Variants in VDR observed in about 807,000 individuals in gnomAD.
VDR encodes vitamin D3 receptor.
Under a neutral mutation model 39.7 loss-of-function variants are expected in VDR, and 19 were observed. The observed-to-expected ratio is 0.48, with a 90% confidence interval of 0.33 to 0.70. The LOEUF is 0.70. Among genes scored for constraint, VDR ranks in the 30% least tolerant of loss-of-function variants. The probability of loss-of-function intolerance (pLI) is 0.02; values close to 1 mark genes in which losing one functional copy is unlikely to be tolerated. For synonymous variants in VDR, 242 were observed against 215.8 expected, an observed-to-expected ratio of 1.12 and a Z score of -1.07; for missense variants, 442 against 570.5, an observed-to-expected ratio of 0.77 and a Z score of 2.29.
Position 47,855,770 on chromosome 12 carries a change from C to G in VDR, c.615G>C (p.Leu205=). The part of the protein sequence containing the change: ...DMMDSSSFSN[L]DLSEEDSDDP... ...CATCTGAATCTTCTTCACTCAGATC[C>G]AGATTGGAGAAGCTGGACGAGTCCA... The change falls in exon 7 of 10, where the codon CTG becomes CTC. Residue 205 remains leucine, a synonymous_variant. Coordinates refer to ENST00000549336, the MANE Select transcript of VDR (RefSeq NM_000376.3). 6.2e-7 allele frequency: 1 copy of G among 1,614,118 alleles called. No individual in the cohort carries two copies. The highest frequency in any genetic ancestry group is 8.5e-7 in the Non-Finnish European group (1 of 1,180,000).
intron 1 of VDR, chr12:47,904,669 T>A (rs1342072177): frequency 2.6e-6 from 4 of 1,530,464 alleles, no homozygotes; most frequent in Non-Finnish European, 3.5e-6. Flanking sequence ...CAAATACTTC[T>A]TGTTGCCCAA....
At chr12:47,848,067 T>C (rs968460400) in intron 7 of VDR, among the ~76,000 whole-genome samples, 1 of 151,618 alleles carries the variant, frequency 6.6e-6, no homozygotes, top group Non-Finnish European at 1.5e-5. Flanking sequence ...GGCCAGCTAA[T>C]TTTTTTTTGT....
Position 47,841,688 on chromosome 12 carries a change from C to G in VDR, c.*3058G>C, listed in dbSNP as rs776874839. The G allele has an allele frequency of 2.0e-5, 3 of 152,338 alleles. No homozygotes were observed. The highest frequency in any genetic ancestry group is 4.8e-5 in the African/African-American group (2 of 41,438). The allele number at this position is 152,338 out of a possible 1,614,324, so 9.4% of individuals were successfully genotyped here. Reference sequence around the variant, plus strand: ...ACTTTTTTTCTCTTTGGAAATCATTCAGCAGGCACTGTTTACATCCTTTCG... The same window carrying G: ...ACTTTTTTTCTCTTTGGAAATCATTGAGCAGGCACTGTTTACATCCTTTCG... On this transcript the variant is annotated 3_prime_UTR_variant, in exon 10 of 10. Coordinates refer to ENST00000549336, the MANE Select transcript of VDR (RefSeq NM_000376.3).
intron 3 of VDR, among the ~76,000 whole-genome samples, chr12:47,877,862 A>G (rs1946039917): frequency 6.6e-6 from 1 of 152,318 alleles, no homozygotes; most frequent in South Asian, 2.1e-4. Context: ...GCCAGGCCAA[A>G]CAGGCAATTA....
rs144982071 is a variant in VDR at position 47,899,883 on chromosome 12, G to A, written c.-84+5072C>T. The A allele has an allele frequency of 1.5e-4, 148 of 984,522 alleles. 2 individuals carry two copies. In the East Asian group the frequency reaches 0.011, roughly 70 times the overall value. The allele number at this position is 984,522 out of a possible 1,614,324, so 61.0% of individuals were successfully genotyped here. A position where few individuals can be genotyped will look rare whatever the true frequency, so the allele number is the denominator to read the frequency against. On this transcript the variant is annotated intron_variant, in intron 1 of 9. Transcript: ENST00000549336. ...TTGAGGGAGGCAAGCAAAGCAATGT[G>A]CACGGGGCCTGGCATGAGGCTATCA...
chr12:47,904,595 C>A (rs1373153759), intron 1 of VDR: 2 of 1,535,704 alleles, frequency 1.3e-6, no homozygotes, highest in African/African-American at 2.7e-5. Flanking sequence ...GCACCATCGA[C>A]AGCCAATCGC....
chr12:47,857,713 G>A lies in VDR; in HGVS notation c.278-25C>T, dbSNP rs1172666329. ...ACTGTGGGGTGGGAAGGGGAGTCAG[G>A]AGGGCTGGCCAGCAGCTCCTCCAGG... On this transcript the variant is annotated intron_variant, in intron 4 of 9. Coordinates refer to ENST00000549336, the MANE Select transcript of VDR (RefSeq NM_000376.3). The A allele has an allele frequency of 1.6e-5, 26 of 1,609,022 alleles. No homozygotes were observed. In the East Asian group the frequency reaches 4.9e-4, roughly 30 times the overall value.
At chr12:47,873,606 C>T (rs1945936455) in intron 3 of VDR, among the ~76,000 whole-genome samples, 2 of 151,846 alleles carry the variant, frequency 1.3e-5, no homozygotes, top group Non-Finnish European at 2.9e-5. Flanking sequence ...CGTGATCCGC[C>T]CGCCTCGGCC....
At chr12:47,888,662 C>T (rs370585924) in intron 1 of VDR, among the ~76,000 whole-genome samples, 34 of 152,232 alleles carry the variant, frequency 2.2e-4, no homozygotes, top group Middle Eastern at 3.4e-3. Flanking sequence ...GGGACTGGCC[C>T]ATTTAGAAGC....
At chr12:47,852,857 T>C (rs377746700) in intron 7 of VDR, among the ~76,000 whole-genome samples, 5 of 152,282 alleles carry the variant, frequency 3.3e-5, no homozygotes, top group East Asian at 1.9e-4. Context: ...TCATAATCTG[T>C]TTCCATCCAG....
intron 4 of VDR, among the ~76,000 whole-genome samples, chr12:47,859,896 TC>T (rs1945579388): frequency 1.4e-4 from 5 of 36,252 alleles, no homozygotes; most frequent in Non-Finnish European, 2.6e-4. Flanking sequence ...CTTCCTTCCT[TC>T]CTTCCTTCCT....
At chr12:47,846,206 G>A in intron 9 of VDR, 129 bp downstream of exon 9, 2 of 768,086 alleles carry the variant, frequency 2.6e-6, no homozygotes, top group Non-Finnish European at 4.4e-6. Flanking sequence ...AGCAAAGTAG[G>A]TATTTCCTTA....
At chr12:47,865,299 C>A in intron 3 of VDR, 122 bp from the exon 4 acceptor site, 1 of 1,463,652 alleles carries the variant, frequency 6.8e-7, no homozygotes. Context: ...ACATGAGGCC[C>A]ACCCCAGCTG....
chr12:47,866,465 A>G (rs1036336184), intron 3 of VDR, among the ~76,000 whole-genome samples: 7 of 152,216 alleles, frequency 4.6e-5, no homozygotes, highest in African/African-American at 1.4e-4. Context: ...CCGCTATGAG[A>G]AGTAAGGATG....
At chr12:47,848,009 C>T (rs1219346949) in intron 7 of VDR, among the ~76,000 whole-genome samples, 1 of 152,178 alleles carries the variant, frequency 6.6e-6, no homozygotes, top group East Asian at 1.9e-4. Context: ...ACGCCATTCT[C>T]CTGCCTCAGC....
At chr12:47,850,731 C>T (rs1400751306) in intron 7 of VDR, among the ~76,000 whole-genome samples, 4 of 152,124 alleles carry the variant, frequency 2.6e-5, no homozygotes, top group Non-Finnish European at 5.9e-5. Flanking sequence ...AGCTCCGTTC[C>T]CCCTCCCTCA....
At position 47,844,965 on chromosome 12, in the gene VDR, G is replaced by A. The variant is rs1006272919; in HGVS notation, c.1065C>T (p.Ile355=). 1.2e-6 allele frequency: 2 copies of A among 1,613,900 alleles called. No individual in the cohort carries two copies. Among genetic ancestry groups the A allele is most frequent in the South Asian group, 2.2e-5 (2 of 91,088 alleles). Residue 355 remains isoleucine (I), a synonymous_variant, in exon 10 of 10, where the codon ATC becomes ATT. Coordinates refer to ENST00000549336, the MANE Select transcript of VDR (RefSeq NM_000376.3). ...GVQDAALIEA[I]QDRLSNTLQT... ...GCAGTGTGTTGGACAGGCGGTCCTG[G>A]ATGGCCTCAATCAGCGCGGCGTCCT...
rs544883507 is a variant in VDR, at chr12:47,900,470, T to C, written c.-84+4485A>G. ...TGCAAACCTGAGAGGGAGTCGTGGG[T>C]TTCCTCCTCACAGGCTATGACAGCT... On this transcript the variant is annotated intron_variant, in intron 1 of 9. Coordinates refer to ENST00000549336, the MANE Select transcript of VDR (RefSeq NM_000376.3). Among the ~76,000 whole-genome samples, 4 of 152,154 alleles carry C rather than the reference T, an allele frequency of 2.6e-5. No individual in the cohort carries two copies. In the East Asian group the frequency reaches 5.8e-4, roughly 22 times the overall value.
rs544399933 is a variant in VDR, at chr12:47,903,911, C to A, written c.-84+1044G>T. Among the ~76,000 whole-genome samples, 6 of 152,280 alleles carry A rather than the reference C, an allele frequency of 3.9e-5. No individual in the cohort carries two copies. In the South Asian group the frequency reaches 1.2e-3, roughly 32 times the overall value. On this transcript the variant is annotated intron_variant, in intron 1 of 9. Coordinates refer to ENST00000549336, the MANE Select transcript of VDR (RefSeq NM_000376.3). ...AGCACTGCTGTGTTGGGTATCTGAG[C>A]CCCTGCCCATGAGGAAGACCACCTT...
Sources: allele counts gnomAD v4.1 joint callset (sites outside exome capture counted in the v4.1 genomes callset), GRCh38; gene constraint gnomAD v4.1.1; transcripts MANE v1.5; gene names NCBI Gene and HGNC (gene_info 2026-07-23, HGNC 2026-07-21).